CDH13: variants seen among roughly 807,000 people sequenced by gnomAD.
CDH13 encodes the protein cadherin 13.
A neutral mutation model predicts 63.8 loss-of-function variants in CDH13; 24 were observed. That is an observed-to-expected ratio of 0.38 (90% CI 0.27 to 0.53). The LOEUF is 0.53. Among genes scored for constraint, CDH13 ranks in the 20% least tolerant of loss-of-function variants. CDH13 has a pLI of 0.85. For missense variants in CDH13, 1,049 were observed against 903.1 expected (o/e 1.16, Z -2.07); for synonymous variants, 503 against 355.3 (o/e 1.42, Z -4.67).
chr16:82,667,870 C>A (rs1336055600), intron 1 of CDH13, among the ~76,000 whole-genome samples: 1 of 152,124 alleles, frequency 6.6e-6, no homozygotes, highest in Admixed American at 6.5e-5. Flanking sequence ...TCTTCTCATG[C>A]TCCAGTTTCA....
intron 7 of CDH13, among the ~76,000 whole-genome samples, chr16:83,579,062 T>C (rs1453395360): frequency 6.6e-6 from 1 of 152,246 alleles, no homozygotes; most frequent in Non-Finnish European, 1.5e-5. Flanking sequence ...AATGATAAAA[T>C]TCCCATGTTT....
chr16:83,058,260 A>G (rs1229127364), intron 3 of CDH13, among the ~76,000 whole-genome samples: 1 of 152,068 alleles, frequency 6.6e-6, no homozygotes, highest in Admixed American at 6.5e-5. Context: ...TTTGTTGGTT[A>G]CTGGGGAAAA....
Position 83,796,392 on chromosome 16 carries a change from C to T in CDH13, c.*1362C>T, listed in dbSNP as rs1484433228. ...TTTTAACCGCACATGCACACACACA[C>T]GCTTTCTTATGCAATCTATGTTTGC... On this transcript the variant is annotated 3_prime_UTR_variant, in exon 14 of 14. Transcript: ENST00000567109. 4 of 152,226 alleles carry T rather than the reference C, an allele frequency of 2.6e-5. No individual in the cohort carries two copies. Among genetic ancestry groups the T allele is most frequent in the Admixed American group, 6.5e-5 (1 of 15,278 alleles). The allele number at this position is 152,226 out of a possible 1,614,324, so 9.4% of individuals were successfully genotyped here. A position where few individuals can be genotyped will look rare whatever the true frequency, so the allele number is the denominator to read the frequency against.
intron 1 of CDH13, among the ~76,000 whole-genome samples, chr16:82,629,309 G>A (rs999326884): frequency 2.0e-5 from 3 of 152,228 alleles, no homozygotes; most frequent in Non-Finnish European, 4.4e-5. Context: ...ATTGCCCTGA[G>A]AGGCTTATTT....
Position 83,129,095 on chromosome 16 carries a change from A to C in CDH13, c.483+3594A>C, listed in dbSNP as rs895632430. 5.3e-5 allele frequency among the ~76,000 whole-genome samples: 8 copies of C among 151,844 alleles called. No homozygotes were observed. In the East Asian group the frequency reaches 9.8e-4, roughly 19 times the overall value. Reference sequence around the variant, plus strand: ...TATATCTCCTGTCTTATCCTCATCAACTCCACCACAGCTGACGAGCTGTGC... The same window carrying C: ...TATATCTCCTGTCTTATCCTCATCACCTCCACCACAGCTGACGAGCTGTGC... On this transcript the variant is annotated intron_variant, in intron 4 of 13. Transcript: ENST00000567109.
intron 8 of CDH13, among the ~76,000 whole-genome samples, chr16:83,623,227 C>G (rs893119275): frequency 5.8e-4 from 88 of 152,276 alleles, no homozygotes; most frequent in African/African-American, 2.1e-3. Context: ...GTGGCACACA[C>G]CCAGGGACTC....
In CDH13 at chr16:82,710,552, A is replaced by ATATGT. The variant is rs1555537841; in HGVS notation, c.45+83415_45+83416insTATGT. On this transcript the variant is annotated intron_variant, in intron 1 of 13. Coordinates refer to ENST00000567109, the MANE Select transcript of CDH13 (RefSeq NM_001257.5). ...TGTCTCAAAAAAAAAAAAAAAAAAA[A>ATATGT]ATATATATATATATATATATATATA... 9.4e-5 allele frequency among the ~76,000 whole-genome samples: 6 copies of ATATGT among 63,768 alleles called. No homozygotes were observed. In the South Asian group the frequency reaches 2.6e-3, roughly 28 times the overall value. 41.8% of individuals were successfully genotyped at this position (63,768 alleles called of 152,430 possible).
chr16:82,655,578 G>T (rs1000446449), intron 1 of CDH13, among the ~76,000 whole-genome samples: 10 of 152,036 alleles, frequency 6.6e-5, no homozygotes, highest in African/African-American at 2.4e-4. Flanking sequence ...AGAGTGATGG[G>T]AAACCACTGG....
intron 11 of CDH13, among the ~76,000 whole-genome samples, chr16:83,768,013 AT>A (rs765332467): frequency 3.3e-5 from 5 of 152,166 alleles, no homozygotes; most frequent in Non-Finnish European, 5.9e-5. Flanking sequence ...AGAAAAAAAT[AT>A]TTTTAATCCC....
intron 8 of CDH13, among the ~76,000 whole-genome samples, chr16:83,667,416 C>G (rs1914091852): frequency 6.6e-6 from 1 of 151,880 alleles, no homozygotes; most frequent in Non-Finnish European, 1.5e-5. Context: ...ACCCACCTAC[C>G]CATCCATCCA....
intron 4 of CDH13, among the ~76,000 whole-genome samples, chr16:83,200,800 A>T (rs1017821541): frequency 4.6e-5 from 7 of 152,194 alleles, no homozygotes; most frequent in African/African-American, 1.4e-4. Flanking sequence ...AGGGAAAACA[A>T]CAACAACAAC....
intron 1 of CDH13, among the ~76,000 whole-genome samples, chr16:82,769,256 A>G (rs576644466): frequency 1.8e-4 from 27 of 152,306 alleles, no homozygotes; most frequent in Middle Eastern, 3.4e-3. Flanking sequence ...CAAATAAATC[A>G]TCAAAGTTGC....
intron 2 of CDH13, among the ~76,000 whole-genome samples, chr16:82,974,897 C>G (rs1361681931): frequency 6.6e-6 from 1 of 152,248 alleles, no homozygotes; most frequent in East Asian, 1.9e-4. Context: ...CCATTAAGTT[C>G]CTGGGGATTT....
intron 7 of CDH13, among the ~76,000 whole-genome samples, chr16:83,511,037 C>T (rs2074544438): frequency 1.3e-5 from 2 of 149,798 alleles, no homozygotes; most frequent in South Asian, 4.3e-4. Flanking sequence ...GACACGCACG[C>T]ATGCACACGT....
intron 8 of CDH13, among the ~76,000 whole-genome samples, chr16:83,667,573 T>A (rs949949265): frequency 6.6e-6 from 1 of 152,122 alleles, no homozygotes; most frequent in Non-Finnish European, 1.5e-5. Flanking sequence ...TTAGGCACCA[T>A]TATCACAGTG....
intron 11 of CDH13, among the ~76,000 whole-genome samples, chr16:83,767,825 G>A (rs1914498038): frequency 6.6e-6 from 1 of 152,122 alleles, no homozygotes; most frequent in Admixed American, 6.5e-5. Context: ...AAATTGATCA[G>A]TAGTTGCCAG....
At chr16:83,087,697 A>AAAAAAAAAAAAAAAAAAAAAC (rs1567817140) in intron 3 of CDH13, among the ~76,000 whole-genome samples, 3 of 144,300 alleles carry the variant, frequency 2.1e-5, no homozygotes, top group African/African-American at 8.1e-5. Context: ...AAAAAAAAAA[A>AAAAAAAAAAAAAAAAAAAAAC]GCCTAGCACC....
At chr16:83,494,838 A>G (rs2074098693) in intron 7 of CDH13, among the ~76,000 whole-genome samples, 1 of 152,204 alleles carries the variant, frequency 6.6e-6, no homozygotes, top group Admixed American at 6.5e-5. Flanking sequence ...ATAGGATAAA[A>G]GCTTGTTGAT....
At chr16:82,816,882 C>A (rs114804569) in intron 1 of CDH13, among the ~76,000 whole-genome samples, 414 of 151,926 alleles carry the variant, frequency 2.7e-3, no homozygotes, top group Admixed American at 5.2e-3. Context: ...CAGGATACAA[C>A]GAAAGGATAA....
Sources: allele counts gnomAD v4.1 joint callset (sites outside exome capture counted in the v4.1 genomes callset), GRCh38; gene constraint gnomAD v4.1.1; transcripts MANE v1.5; gene names NCBI Gene and HGNC (gene_info 2026-07-23, HGNC 2026-07-21).